The following MRTFB variants were observed in gnomAD, a reference collection of about 807,000 sequenced individuals.
MRTFB encodes myocardin-related transcription factor B.
A neutral mutation model predicts 104.2 loss-of-function variants in MRTFB; 29 were observed. That is an observed-to-expected ratio of 0.28 (90% CI 0.21 to 0.38). The LOEUF is 0.38. Ranked by LOEUF, MRTFB falls within the 10% of genes least tolerant of loss-of-function variation. The pLI, the probability that MRTFB is intolerant of heterozygous loss-of-function variation, is 1.00. For missense variants in MRTFB, 1,270 were observed against 1,341.6 expected, an observed-to-expected ratio of 0.95 and a Z score of 0.83; for synonymous variants, 535 against 519.5, an observed-to-expected ratio of 1.03 and a Z score of -0.41.
chr16:14,036,504 A>ATATACATTCCATCATATATATGTTGAAAT, the MRTFB span, among the ~76,000 whole-genome samples: 1 of 148,622 alleles, frequency 6.7e-6, no homozygotes, highest in Non-Finnish European at 1.5e-5. Context: ...ATGTTGAAAT[A>ATATACATTCCATCATATATATGTTGAAAT]TATACATTCC....
chr16:14,038,900 T>C, the MRTFB span, among the ~76,000 whole-genome samples: 1 of 152,122 alleles, frequency 6.6e-6, no homozygotes, highest in Non-Finnish European at 1.5e-5. Context: ...AGGCACATCT[T>C]ACATGGCAGC....
At chr16:14,146,747 T>A (rs1269913945) in intron 3 of MRTFB, among the ~76,000 whole-genome samples, 2 of 152,208 alleles carry the variant, frequency 1.3e-5, no homozygotes, top group African/African-American at 4.8e-5. Flanking sequence ...ATTAACCTGC[T>A]AGGCTTACTG....
intron 3 of MRTFB, among the ~76,000 whole-genome samples, chr16:14,169,032 TTTATA>T (rs2039339542): frequency 6.6e-6 from 1 of 152,188 alleles, no homozygotes; most frequent in African/African-American, 2.4e-5. Flanking sequence ...TTTTTCCAAC[TTTATA>T]TTATAGTAAT....
chr16:14,020,689 C>T, the MRTFB span, among the ~76,000 whole-genome samples: 6 of 152,174 alleles, frequency 3.9e-5, no homozygotes, highest in African/African-American at 1.4e-4. Context: ...TGCCAGATGA[C>T]GGCAGCTCCA....
chr16:14,133,176 A>G (rs1397799364), intron 2 of MRTFB, among the ~76,000 whole-genome samples: 1 of 152,244 alleles, frequency 6.6e-6, no homozygotes, highest in East Asian at 1.9e-4. Context: ...CTTATGCCAG[A>G]AGACCAGCAC....
At chr16:14,017,525 G>A in the MRTFB span, among the ~76,000 whole-genome samples, 1 of 145,572 alleles carries the variant, frequency 6.9e-6, no homozygotes, top group Non-Finnish European at 1.5e-5. Flanking sequence ...AATTGTGTTT[G>A]TTCGTGTGAA....
At chr16:14,198,229 G>C (rs553372352) in intron 3 of MRTFB, among the ~76,000 whole-genome samples, 1 of 152,266 alleles carries the variant, frequency 6.6e-6, no homozygotes, top group South Asian at 2.1e-4. Flanking sequence ...CCATTCATCT[G>C]TTGATGACAT....
intron 10 of MRTFB, chr16:14,241,118 G>A (rs1003189414): frequency 1.4e-5 from 4 of 279,398 alleles, no homozygotes; most frequent in Non-Finnish European, 2.6e-5. Context: ...ACTCAACACA[G>A]CAGATAGACA....
chr16:14,136,108 C>A (rs929363682), intron 2 of MRTFB, among the ~76,000 whole-genome samples: 1 of 151,964 alleles, frequency 6.6e-6, no homozygotes, highest in Non-Finnish European at 1.5e-5. Context: ...CCTGTCTCTA[C>A]TAAAAATACA....
chr16:14,138,192 T>C (rs1008494651), intron 2 of MRTFB, among the ~76,000 whole-genome samples: 1 of 152,176 alleles, frequency 6.6e-6, no homozygotes, highest in African/African-American at 2.4e-5. Flanking sequence ...TACATCTACA[T>C]GTAGTGTAAA....
the MRTFB span, among the ~76,000 whole-genome samples, chr16:14,015,659 G>T: frequency 6.6e-6 from 1 of 152,148 alleles, no homozygotes; most frequent in African/African-American, 2.4e-5. Context: ...GCTGGAGGTG[G>T]CACCAGGAAT....
At chr16:14,013,767 C>A in the MRTFB span, among the ~76,000 whole-genome samples, 2 of 152,176 alleles carry the variant, frequency 1.3e-5, no homozygotes, top group African/African-American at 4.8e-5. Flanking sequence ...TAGTGTCCTT[C>A]AGATTATGCC....
chr16:14,059,995 T>G, the MRTFB span, among the ~76,000 whole-genome samples: 1 of 145,246 alleles, frequency 6.9e-6, no homozygotes, highest in African/African-American at 2.7e-5. Flanking sequence ...GAGAGACATG[T>G]AATTTTTTTT....
chr16:14,113,353 A>AT (rs2036374996), intron 2 of MRTFB, among the ~76,000 whole-genome samples: 1 of 152,118 alleles, frequency 6.6e-6, no homozygotes, highest in African/African-American at 2.4e-5. Flanking sequence ...CTATGTCTTT[A>AT]TTTTTTTAAT....
rs918332093 is a variant in MRTFB, at chr16:14,265,877, G to A, written c.*4433G>A. The A allele has an allele frequency of 1.3e-5, 2 of 152,186 alleles. No individual in the cohort carries two copies. Among genetic ancestry groups the A allele is most frequent in the African/African-American group, 4.8e-5 (2 of 41,436 alleles). 9.4% of individuals were successfully genotyped at this position (152,186 alleles called of 1,614,324 possible). A position where few individuals can be genotyped will look rare whatever the true frequency, so the allele number is the denominator to read the frequency against. On this transcript the variant is annotated 3_prime_UTR_variant, in exon 17 of 17. Coordinates refer to ENST00000571589, the MANE Select transcript of MRTFB (RefSeq NM_001308142.2). ...TCAGAGATATCATCACATCTATAGT[G>A]TTTAACAGAGCTTTATGCCAACTAC... is the stretch of plus-strand genomic sequence containing the variant.
chr16:14,003,539 C>G, the MRTFB span, among the ~76,000 whole-genome samples: 1 of 152,234 alleles, frequency 6.6e-6, no homozygotes, highest in East Asian at 1.9e-4. Flanking sequence ...TCCCAGCCTG[C>G]TCTGCAGAGC....
At chr16:14,222,837 T>G (rs1238524002) in intron 8 of MRTFB, among the ~76,000 whole-genome samples, 1 of 151,472 alleles carries the variant, frequency 6.6e-6, no homozygotes, top group Non-Finnish European at 1.5e-5. Flanking sequence ...ATAAGAACAC[T>G]AGAAATAGGG....
At position 14,075,274 on chromosome 16, in the gene MRTFB, G is replaced by C. The variant is rs1173505073; in HGVS notation, c.-129+3909G>C. On this transcript the variant is annotated intron_variant, in intron 1 of 16. Transcript: ENST00000571589. ...TTCACAGCAAACTCAATCACGTGAAGACCCTTTGCGTACCTTCTTCCTCAG... is the reference window on the plus strand; with the variant it reads ...TTCACAGCAAACTCAATCACGTGAACACCCTTTGCGTACCTTCTTCCTCAG... 2.0e-5 allele frequency among the ~76,000 whole-genome samples: 3 copies of C among 152,328 alleles called. No individual in the cohort carries two copies. In the East Asian group the frequency reaches 5.8e-4, roughly 29 times the overall value.
the MRTFB span, among the ~76,000 whole-genome samples, chr16:14,029,419 A>AATAT: frequency 3.7e-4 from 33 of 88,900 alleles, no homozygotes; most frequent in East Asian, 2.8e-3. Flanking sequence ...AAAAAAAAAA[A>AATAT]ATATATATAT....
Sources: allele counts gnomAD v4.1 joint callset (sites outside exome capture counted in the v4.1 genomes callset), GRCh38; gene constraint gnomAD v4.1.1; transcripts MANE v1.5; gene names NCBI Gene and HGNC (gene_info 2026-07-23, HGNC 2026-07-21).